Variants in CHMP3 observed in about 807,000 individuals in gnomAD.
CHMP3 encodes the protein 25.1 protein.
Under a neutral mutation model 27.4 loss-of-function variants are expected in CHMP3, and 8 were observed. The observed-to-expected ratio is 0.29, with a 90% CI of 0.17 to 0.53. The LOEUF (loss-of-function observed/expected upper bound fraction) is 0.53, where lower values mean the gene tolerates loss of function less well. Ranked by LOEUF, CHMP3 falls within the 20% of genes least tolerant of loss-of-function variation. The probability of loss-of-function intolerance (pLI) is 0.96; values close to 1 mark genes in which losing one functional copy is unlikely to be tolerated. For synonymous variants in CHMP3, 86 were observed against 85.5 expected, an observed-to-expected ratio of 1.01 and a Z score of -0.03; for missense variants, 208 against 271.5, an observed-to-expected ratio of 0.77 and a Z score of 1.64.
chr2:86,529,066 CATT>C (rs1675816333), intron 3 of CHMP3, 149 bp downstream of exon 3: 1 of 741,858 alleles, frequency 1.3e-6, no homozygotes, highest in East Asian at 3.2e-5. Flanking sequence ...AAACAAACAA[CATT>C]ATTATATTTT....
chr2:86,522,819 A>T (rs575627711), intron 3 of CHMP3, among the ~76,000 whole-genome samples: 1 of 152,300 alleles, frequency 6.6e-6, no homozygotes, highest in East Asian at 1.9e-4. Context: ...ATGTCTACAG[A>T]ATAATTTAAA....
At chr2:86,536,805 T>C (rs901216177) in intron 2 of CHMP3, among the ~76,000 whole-genome samples, 1 of 152,196 alleles carries the variant, frequency 6.6e-6, no homozygotes. Context: ...TGCACCTTTC[T>C]CTCTCTCTTC....
At chr2:86,562,185 T>C (rs1164480458) in intron 1 of CHMP3, 1 of 152,262 alleles carries the variant, frequency 6.6e-6, no homozygotes, top group East Asian at 1.9e-4. Flanking sequence ...ACGCACATTA[T>C]GTGCCAGGAA....
chr2:86,506,096 G>T, intron 5 of CHMP3, 147 bp from the exon 6 acceptor site: 1 of 923,538 alleles, frequency 1.1e-6, no homozygotes, highest in Non-Finnish European at 1.4e-6. Context: ...TACTCACTCT[G>T]GGAAATGTGC....
At chr2:86,548,179 C>CTTTTTTTT (rs55949258) in intron 1 of CHMP3, among the ~76,000 whole-genome samples, 2 of 116,066 alleles carry the variant, frequency 1.7e-5, no homozygotes, top group Non-Finnish European at 1.9e-5. Context: ...GAGGAGTTCT[C>CTTTTTTTT]TTTTTTTTTT....
At chr2:86,527,256 A>G (rs186139113) in intron 3 of CHMP3, 6 of 152,254 alleles carry the variant, frequency 3.9e-5, no homozygotes, top group Admixed American at 3.3e-4. Flanking sequence ...CAAAAAAAAA[A>G]AAGATAAATT....
At chr2:86,529,534 A>T in intron 2 of CHMP3, 137 bp from the exon 3 acceptor site, 1 of 830,258 alleles carries the variant, frequency 1.2e-6, no homozygotes, top group Non-Finnish European at 1.7e-6. Context: ...AAAATAACGT[A>T]GTGAATATTC....
chr2:86,528,892 GA>G (rs1357465760), intron 3 of CHMP3, among the ~76,000 whole-genome samples: 1 of 152,124 alleles, frequency 6.6e-6, no homozygotes, highest in Non-Finnish European at 1.5e-5. Context: ...GACAAAGGTA[GA>G]AAGCTCTTTT....
At chr2:86,517,507 A>G (rs1675358628) in intron 3 of CHMP3, among the ~76,000 whole-genome samples, 1 of 146,938 alleles carries the variant, frequency 6.8e-6, no homozygotes, top group Non-Finnish European at 1.5e-5. Context: ...TGGAGCTTGC[A>G]GTGAGCCAAG....
At chr2:86,534,303 A>G (rs1676046282) in intron 2 of CHMP3, among the ~76,000 whole-genome samples, 1 of 143,980 alleles carries the variant, frequency 6.9e-6, no homozygotes, top group Non-Finnish European at 1.5e-5. Flanking sequence ...GGTTCAAGCA[A>G]TTCTCCTACC....
intron 2 of CHMP3, among the ~76,000 whole-genome samples, chr2:86,534,807 TATCTTTTTCC>T (rs1676061341): frequency 6.6e-6 from 1 of 152,246 alleles, no homozygotes; most frequent in African/African-American, 2.4e-5. Flanking sequence ...GTCCACAAAA[TATCTTTTTCC>T]ATCCTTTTGC....
intron 4 of CHMP3, among the ~76,000 whole-genome samples, chr2:86,509,640 A>T (rs889175510): frequency 9.9e-5 from 15 of 152,134 alleles, no homozygotes; most frequent in African/African-American, 3.6e-4. Context: ...CTCTGTGACA[A>T]CTCACGTGAT....
chr2:86,506,626 C>CTTTTTTTT (rs973270185), intron 5 of CHMP3, among the ~76,000 whole-genome samples: 1 of 131,332 alleles, frequency 7.6e-6, no homozygotes, highest in Non-Finnish European at 1.6e-5. Flanking sequence ...TGTTTCGAAC[C>CTTTTTTTT]TTTTTTTTTT....
intron 1 of CHMP3, among the ~76,000 whole-genome samples, chr2:86,561,113 T>C (rs911766810): frequency 1.3e-5 from 2 of 152,226 alleles, no homozygotes; most frequent in African/African-American, 4.8e-5. Context: ...TCTTACTTGC[T>C]AGAAGTTAAG....
At chr2:86,541,079 T>A (rs1453494084) in intron 2 of CHMP3, 10 of 152,262 alleles carry the variant, frequency 6.6e-5, no homozygotes, top group Non-Finnish European at 1.5e-5. Flanking sequence ...GGTTGGTTGG[T>A]ATGGGCTTGT....
intron 2 of CHMP3, among the ~76,000 whole-genome samples, chr2:86,535,736 C>T (rs1378361953): frequency 6.6e-6 from 1 of 152,112 alleles, no homozygotes; most frequent in Non-Finnish European, 1.5e-5. Flanking sequence ...GAACTCCTGG[C>T]CTTAGGTGAT....
chr2:86,560,706 TAA>T (rs879504813), intron 1 of CHMP3, among the ~76,000 whole-genome samples: 1,503 of 138,732 alleles, frequency 0.011, 22 homozygotes, highest in African/African-American at 0.038. Context: ...AAGTATAATT[TAA>T]AAAAAAAAAA....
At chr2:86,546,462 A>G (rs1193944379) in intron 1 of CHMP3, among the ~76,000 whole-genome samples, 7 of 141,060 alleles carry the variant, frequency 5.0e-5, no homozygotes, top group African/African-American at 1.6e-4. Flanking sequence ...TTTGAGACGG[A>G]CTTTCGCTCT....
At chr2:86,545,889 G>A (rs1009271448) in intron 1 of CHMP3, among the ~76,000 whole-genome samples, 8 of 151,342 alleles carry the variant, frequency 5.3e-5, no homozygotes, top group South Asian at 2.1e-4. Context: ...CAGGGCGGCC[G>A]GGCAGAGCGG....
Sources: gnomAD v4.1 joint callset for allele counts (sites outside exome capture counted in the v4.1 genomes callset) on GRCh38, gnomAD v4.1.1 for gene constraint, MANE v1.5 for transcripts, NCBI Gene and HGNC (gene_info 2026-07-23, HGNC 2026-07-21) for gene names.